The following CLCNKA variants were observed in gnomAD, a reference collection of about 807,000 sequenced individuals.
The protein encoded by CLCNKA is chloride voltage-gated channel Ka.
In CLCNKA, 66 loss-of-function variants were observed where a neutral mutation model predicts 83.3. That is an observed-to-expected ratio of 0.79 (90% CI 0.65 to 0.97). CLCNKA has a LOEUF of 0.97. Ranked by LOEUF, CLCNKA falls within the 50% of genes least tolerant of loss-of-function variation. CLCNKA has a pLI of 0.00. For synonymous variants in CLCNKA, 357 were observed against 370.4 expected, an observed-to-expected ratio of 0.96 and a Z score of 0.42; for missense variants, 806 against 888.7, an observed-to-expected ratio of 0.91 and a Z score of 1.18.
At chr1:16,030,278 G>A (rs1026851189) in intron 14 of CLCNKA, among the ~76,000 whole-genome samples, 183 bp from the exon 15 acceptor site, 4 of 152,284 alleles carry the variant, frequency 2.6e-5, no homozygotes, top group Non-Finnish European at 4.4e-5. Context: ...CCAGCCCTGC[G>A]GCCTCCCTTA....
intron 12 of CLCNKA, 95 bp from the exon 13 acceptor site, chr1:16,029,636 A>G (rs572933445): frequency 6.7e-7 from 1 of 1,497,020 alleles, no homozygotes; most frequent in African/African-American, 1.4e-5. Flanking sequence ...CCCTCTTTCT[A>G]TCTAGGACAC....
rs1450321494 is a variant in CLCNKA, at chr1:16,023,845, A to G, written c.146A>G (p.Asp49Gly). Reference sequence around the variant, plus strand: ...CAGAAGGTGTTCCGCCTGGGAGAAGACTGGTACTTCCTGATGACCCTCGGG... The same window carrying G: ...CAGAAGGTGTTCCGCCTGGGAGAAGGCTGGTACTTCCTGATGACCCTCGGG... ...LKQKVFRLGE[D>G]WYFLMTLGVL... The change falls in exon 3 of 20, where the codon GAC (aspartate) becomes GGC (glycine). Residue 49 changes from aspartate (D) to glycine (G), a missense_variant. Coordinates refer to ENST00000331433, the MANE Select transcript of CLCNKA (RefSeq NM_004070.4). 6.2e-7 allele frequency: 1 copy of G among 1,614,030 alleles called. No individual in the cohort carries two copies. Among genetic ancestry groups the G allele is most frequent in the East Asian group, 2.2e-5 (1 of 44,886 alleles).
chr1:16,029,361 G>A, intron 12 of CLCNKA, 62 bp downstream of exon 12: 2 of 1,610,168 alleles, frequency 1.2e-6, no homozygotes, highest in African/African-American at 1.3e-5. Flanking sequence ...GGAGGGGCGG[G>A]GGTGCCTCCC....
chr1:16,026,748 G>A lies in CLCNKA; in HGVS notation c.628G>A (p.Ala210Thr). Residue 210 changes from alanine (A) to threonine (T), a missense_variant, in exon 7 of 20, where the codon GCC (alanine) becomes ACC (threonine). Coordinates refer to ENST00000331433, the MANE Select transcript of CLCNKA (RefSeq NM_004070.4). ...MLVAAAAVGVATVFAAPFSGV... is the reference protein window; with the variant it reads ...MLVAAAAVGVTTVFAAPFSGV... ...GGTGGCAGCGGCGGCAGTGGGCGTG[G>A]CCACAGTCTTTGCAGCTCCCTTCAG... is the stretch of plus-strand genomic sequence containing the variant. The A allele has an allele frequency of 6.2e-7, 1 of 1,613,546 alleles. No individual in the cohort carries two copies.
chr1:16,030,436 G>A (rs1342080655), intron 14 of CLCNKA, 25 bp from the exon 15 acceptor site: 9 of 1,611,520 alleles, frequency 5.6e-6, no homozygotes, highest in South Asian at 2.2e-5. Flanking sequence ...GGCCTGAGCC[G>A]ACCTGTGTGG....
chr1:16,023,901 A>T lies in CLCNKA; in HGVS notation c.202A>T (p.Asn68Tyr), dbSNP rs746557806. The change falls in exon 3 of 20, where the codon AAC (asparagine) becomes TAC (tyrosine). Residue 68 changes from asparagine to tyrosine, a missense_variant. Coordinates refer to ENST00000331433, the MANE Select transcript of CLCNKA (RefSeq NM_004070.4). Reference protein sequence around the residue: ...VLMALVSYAMNFAIGCVVRAH... With the variant: ...VLMALVSYAMYFAIGCVVRAH... ...CATGGCCCTGGTCAGCTATGCCATG[A>T]ACTTTGCCATCGGGTGTGTGGTCCG... 1.9e-6 allele frequency: 3 copies of T among 1,614,166 alleles called. No homozygotes were observed. The highest frequency in any genetic ancestry group is 2.5e-6 in the Non-Finnish European group (3 of 1,180,022).
chr1:16,032,309 G>C lies in CLCNKA; in HGVS notation c.1845+18G>C, dbSNP rs767413114. On this transcript the variant is annotated intron_variant, in intron 17 of 19. Coordinates refer to ENST00000331433, the MANE Select transcript of CLCNKA (RefSeq NM_004070.4). ...GACACCAGGTGGTTACTCCTGAGGG[G>C]CGTGGGGATGGGGCGGGGGTGGGTC... is the stretch of plus-strand genomic sequence containing the variant. 87 of 1,572,638 alleles carry C rather than the reference G, an allele frequency of 5.5e-5. No individual in the cohort carries two copies. Among genetic ancestry groups the C allele is most frequent in the Non-Finnish European group, 4.1e-5 (47 of 1,144,638 alleles).
chr1:16,024,870 A>G lies in CLCNKA; in HGVS notation c.337A>G (p.Ser113Gly). ...LVSFSSGFSQ[S>G]ITPSSGGSGI... Reference sequence around the variant, plus strand: ...CTCTTTCTCCTCAGGCTTCTCCCAGAGCATCACGCCCTCCTCTGGAGGTGA... The same window carrying G: ...CTCTTTCTCCTCAGGCTTCTCCCAGGGCATCACGCCCTCCTCTGGAGGTGA... Residue 113 changes from serine to glycine, a missense_variant, in exon 4 of 20, where the codon AGC becomes GGC. Coordinates refer to ENST00000331433, the MANE Select transcript of CLCNKA (RefSeq NM_004070.4). The G allele has an allele frequency of 1.2e-6, 2 of 1,614,106 alleles. No homozygotes were observed. Among genetic ancestry groups the G allele is most frequent in the Non-Finnish European group, 1.7e-6 (2 of 1,180,018 alleles).
chr1:16,029,422 C>T (rs1478686160), intron 12 of CLCNKA, 123 bp downstream of exon 12: 6 of 1,447,164 alleles, frequency 4.1e-6, no homozygotes, highest in Middle Eastern at 2.0e-4. Flanking sequence ...TCCTTCTGTG[C>T]CCCCTGCCCA....
At chr1:16,022,420 GACAC>G (rs1283670427) in intron 1 of CLCNKA, among the ~76,000 whole-genome samples, 189 bp from the exon 2 acceptor site, 1 of 152,092 alleles carries the variant, frequency 6.6e-6, no homozygotes, top group Non-Finnish European at 1.5e-5. Context: ...CCCACAAAAT[GACAC>G]ACACAGGCAC....
At chr1:16,026,432 T>C in intron 5 of CLCNKA, 104 bp from the exon 6 acceptor site, 1 of 1,531,968 alleles carries the variant, frequency 6.5e-7, no homozygotes, top group Non-Finnish European at 9.0e-7. Flanking sequence ...AGGACAGCCC[T>C]GGGGGTTGGG....
chr1:16,028,235 C>A, intron 10 of CLCNKA, 116 bp downstream of exon 10: 1 of 952,842 alleles, frequency 1.0e-6, no homozygotes. Flanking sequence ...CTCCCTAGCC[C>A]GTGGAGCATC....
chr1:16,028,629 C>A lies in CLCNKA; in HGVS notation c.969-132C>A, dbSNP rs775591206. The stretch of plus-strand genomic sequence containing the variant: ...CATGTTCCCTGCTCCCGCCCTTCCT[C>A]CTCACCAGTCCTTGCCTCGGTATCA... On this transcript the variant is annotated intron_variant, in intron 10 of 19. Coordinates refer to ENST00000331433, the MANE Select transcript of CLCNKA (RefSeq NM_004070.4). 3 of 1,150,102 alleles carry A rather than the reference C, an allele frequency of 2.6e-6. No homozygotes were observed. In the Admixed American group the frequency reaches 5.2e-5, roughly 20 times the overall value. The allele number at this position is 1,150,102 out of a possible 1,614,324, so 71.2% of individuals were successfully genotyped here.
chr1:16,030,267 C>T (rs995344461), intron 14 of CLCNKA, among the ~76,000 whole-genome samples, 192 bp downstream of exon 14: 5 of 152,196 alleles, frequency 3.3e-5, no homozygotes, highest in Non-Finnish European at 5.9e-5. Flanking sequence ...GGCTCCTGTC[C>T]CCAGCCCTGC....
chr1:16,029,878 C>T lies in CLCNKA; in HGVS notation c.1297+78C>T, dbSNP rs568544726. ...CATGCATCCTGGTTCACCCTCTTCC[C>T]GGGTGGTACTAAGGATGGTCCTCAG... On this transcript the variant is annotated intron_variant, in intron 13 of 19. Coordinates refer to ENST00000331433, the MANE Select transcript of CLCNKA (RefSeq NM_004070.4). The T allele has an allele frequency of 4.4e-5, 70 of 1,602,960 alleles. No individual in the cohort carries two copies. In the East Asian group the frequency reaches 8.9e-4, roughly 20 times the overall value.
Position 16,028,014 on chromosome 1 carries a change from G to A in CLCNKA, c.867-4G>A, listed in dbSNP as rs780276412. 23 of 1,613,548 alleles carry A rather than the reference G, an allele frequency of 1.4e-5. No individual in the cohort carries two copies. Among genetic ancestry groups the A allele is most frequent in the East Asian group, 1.3e-4 (6 of 44,842 alleles). ...CTCTGGTCTTACCTCCCTTCACCCCGCAGTGGCATCTGCGGCGTCCTGAGC... is the reference window on the plus strand; with the variant it reads ...CTCTGGTCTTACCTCCCTTCACCCCACAGTGGCATCTGCGGCGTCCTGAGC... On this transcript the variant is annotated splice_polypyrimidine_tract_variant and splice_region_variant and intron_variant, in intron 9 of 19. Coordinates refer to ENST00000331433, the MANE Select transcript of CLCNKA (RefSeq NM_004070.4).
intron 7 of CLCNKA, 168 bp downstream of exon 7, chr1:16,026,943 C>T: frequency 5.5e-6 from 5 of 902,172 alleles, no homozygotes; most frequent in Non-Finnish European, 1.7e-6. Flanking sequence ...CGGGGCGGGG[C>T]GGGTGGTTGG....
At position 16,032,542 on chromosome 1, in the gene CLCNKA, G is replaced by A. The variant is rs1449667147; in HGVS notation, c.1929+16G>A. The A allele has an allele frequency of 6.2e-7, 1 of 1,602,264 alleles. No individual in the cohort carries two copies. Among genetic ancestry groups the A allele is most frequent in the Non-Finnish European group, 8.5e-7 (1 of 1,170,060 alleles). Reference sequence around the variant, plus strand: ...CTTGCACCAGGTAACAAGTATTGGGGAGTGTGACACACGCAGCCCCCGGGG... The same window carrying A: ...CTTGCACCAGGTAACAAGTATTGGGAAGTGTGACACACGCAGCCCCCGGGG... On this transcript the variant is annotated intron_variant, in intron 18 of 19. Coordinates refer to ENST00000331433, the MANE Select transcript of CLCNKA (RefSeq NM_004070.4).
chr1:16,028,169 C>A lies in CLCNKA; in HGVS notation c.968+50C>A, dbSNP rs759910166. On this transcript the variant is annotated intron_variant, in intron 10 of 19. Transcript: ENST00000331433. ...GACATCTCAGTGAGTCCCTTGTGGA[C>A]TCCAGACCTTATGTAGAAAGCCCCA... 2.6e-6 allele frequency: 4 copies of A among 1,544,714 alleles called. No individual in the cohort carries two copies. The South Asian group carries it at 4.5e-5, about 17-fold the overall frequency.
Sources: gnomAD v4.1 joint callset for allele counts (sites outside exome capture counted in the v4.1 genomes callset) on GRCh38, gnomAD v4.1.1 for gene constraint, MANE v1.5 for transcripts, NCBI Gene and HGNC (gene_info 2026-07-23, HGNC 2026-07-21) for gene names.